The following SNTG1 variants were observed in gnomAD, a reference collection of about 807,000 sequenced individuals.
SNTG1 encodes the protein gamma-1-syntrophin.
A neutral mutation model predicts 74.7 loss-of-function variants in SNTG1; 39 were observed. The ratio of observed to expected loss-of-function variants is 0.52; its 90% CI spans 0.40 to 0.68. The LOEUF (loss-of-function observed/expected upper bound fraction) is 0.68, where lower values mean the gene tolerates loss of function less well. Ranked by LOEUF, SNTG1 falls within the 30% of genes least tolerant of loss-of-function variation. The probability of loss-of-function intolerance (pLI) is 0.00; values close to 1 mark genes in which losing one functional copy is unlikely to be tolerated. For missense variants in SNTG1, 685 were observed against 609.5 expected, an observed-to-expected ratio of 1.12 and a Z score of -1.30; for synonymous variants, 254 against 217.1, an observed-to-expected ratio of 1.17 and a Z score of -1.49.
intron 2 of SNTG1, among the ~76,000 whole-genome samples, chr8:50,335,362 C>G (rs1011024444): frequency 1.3e-5 from 2 of 152,178 alleles, no homozygotes; most frequent in African/African-American, 2.4e-5. Context: ...AAACTGAAAT[C>G]ACACGTCAGC....
At chr8:50,369,348 G>A (rs555823976) in intron 2 of SNTG1, among the ~76,000 whole-genome samples, 1 of 152,304 alleles carries the variant, frequency 6.6e-6, no homozygotes, top group East Asian at 1.9e-4. Context: ...TGTAATCCCA[G>A]CAACTTGGGA....
chr8:50,473,553 G>A (rs2093670308), intron 8 of SNTG1, among the ~76,000 whole-genome samples: 1 of 152,176 alleles, frequency 6.6e-6, no homozygotes, highest in African/African-American at 2.4e-5. Context: ...ATGATCCAGA[G>A]TGTCTCCTCT....
In SNTG1 at chr8:50,623,008, A is replaced by G. The variant is rs953430484; in HGVS notation, c.849+32091A>G. Among the ~76,000 whole-genome samples, 3 of 152,076 alleles carry G rather than the reference A, an allele frequency of 2.0e-5. No homozygotes were observed. In the East Asian group the frequency reaches 5.8e-4, roughly 29 times the overall value. On this transcript the variant is annotated intron_variant, in intron 13 of 18. Transcript: ENST00000642720. Reference sequence around the variant, plus strand: ...ACAGAAATGCGACTGACTTTTATGTATTGATTTTGTATCCTGAAACTTCAC... The same window carrying G: ...ACAGAAATGCGACTGACTTTTATGTGTTGATTTTGTATCCTGAAACTTCAC...
chr8:50,769,115 A>T (rs1043995464), intron 18 of SNTG1, among the ~76,000 whole-genome samples: 1 of 151,612 alleles, frequency 6.6e-6, no homozygotes, highest in African/African-American at 2.4e-5. Flanking sequence ...TCTCCATCAG[A>T]ATAGTGAATT....
At chr8:50,770,041 C>T (rs903843925) in intron 18 of SNTG1, among the ~76,000 whole-genome samples, 1 of 151,922 alleles carries the variant, frequency 6.6e-6, no homozygotes, top group Non-Finnish European at 1.5e-5. Flanking sequence ...TCCTTAGAAA[C>T]CCATAAAATA....
At chr8:50,751,623 CG>C (rs1458285752) in intron 17 of SNTG1, among the ~76,000 whole-genome samples, 2 of 151,842 alleles carry the variant, frequency 1.3e-5, no homozygotes, top group African/African-American at 4.8e-5. Context: ...CTTAATAAAG[CG>C]AAGGTTATTA....
rs536013213 is a variant in SNTG1, at chr8:50,384,552, A to G, written c.-27-9660A>G. ...ACCTGGCTTATCACTCTGGGGAATT[A>G]TGCCATACTGGGCTCAGTGTTGGTC... On this transcript the variant is annotated intron_variant, in intron 2 of 18. Coordinates refer to ENST00000642720, the MANE Select transcript of SNTG1 (RefSeq NM_018967.5). 8.5e-5 allele frequency among the ~76,000 whole-genome samples: 13 copies of G among 152,282 alleles called. No homozygotes were observed. The South Asian group carries it at 1.2e-3, about 15-fold the overall frequency.
chr8:50,359,715 T>C (rs2091909233), intron 2 of SNTG1, among the ~76,000 whole-genome samples: 1 of 152,172 alleles, frequency 6.6e-6, no homozygotes, highest in Non-Finnish European at 1.5e-5. Flanking sequence ...ATCTCAACTC[T>C]TTAAAAATCA....
At chr8:49,979,832 G>A (rs886960707) in intron 1 of SNTG1, among the ~76,000 whole-genome samples, 2 of 152,212 alleles carry the variant, frequency 1.3e-5, no homozygotes, top group African/African-American at 4.8e-5. Context: ...CTGTGCGTGC[G>A]TGTGTGTGCA....
At chr8:50,424,515 A>G (rs968451504) in intron 4 of SNTG1, among the ~76,000 whole-genome samples, 2 of 152,160 alleles carry the variant, frequency 1.3e-5, no homozygotes, top group African/African-American at 2.4e-5. Flanking sequence ...AAAAAGGAAG[A>G]CATGGAGTTA....
At chr8:50,096,197 A>G (rs1051797170) in intron 1 of SNTG1, among the ~76,000 whole-genome samples, 1 of 152,210 alleles carries the variant, frequency 6.6e-6, no homozygotes, top group Non-Finnish European at 1.5e-5. Context: ...GTCAATATCC[A>G]TTCCACACAA....
chr8:50,627,648 C>T (rs1057456311), intron 13 of SNTG1, among the ~76,000 whole-genome samples: 14 of 152,330 alleles, frequency 9.2e-5, no homozygotes, highest in African/African-American at 3.4e-4. Flanking sequence ...ACCCCACCTT[C>T]AGGTTTGATT....
chr8:50,310,640 A>G (rs1474616237), intron 2 of SNTG1, among the ~76,000 whole-genome samples: 1 of 152,206 alleles, frequency 6.6e-6, no homozygotes, highest in East Asian at 1.9e-4. Context: ...ATGAGCCGAG[A>G]CCATGCCATT....
At chr8:50,378,909 A>G (rs2092434545) in intron 2 of SNTG1, among the ~76,000 whole-genome samples, 1 of 152,136 alleles carries the variant, frequency 6.6e-6, no homozygotes, top group Middle Eastern at 3.2e-3. Context: ...AAAAGGCACC[A>G]CAAGCTCCCA....
intron 1 of SNTG1, among the ~76,000 whole-genome samples, chr8:50,030,362 T>C (rs976935488): frequency 1.3e-5 from 2 of 152,074 alleles, no homozygotes; most frequent in Admixed American, 6.6e-5. Context: ...ATCCTATTTG[T>C]CCATTTTTGC....
chr8:50,353,851 G>C (rs2131021277), intron 2 of SNTG1, among the ~76,000 whole-genome samples: 1 of 152,314 alleles, frequency 6.6e-6, no homozygotes, highest in South Asian at 2.1e-4. Context: ...CATCCAGGAA[G>C]GCAAGGGTGA....
At position 49,912,166 on chromosome 8, in the gene SNTG1, G is replaced by C. The variant is rs539091176; in HGVS notation, c.-168G>C. On this transcript the variant is annotated 5_prime_UTR_variant, in exon 1 of 19. Transcript: ENST00000642720. ...TTGGAAATAGCTTTGTGAAAAGAGG[G>C]TGGAGAGCTACTCAAAATTCTACGT... The C allele has an allele frequency of 8.5e-5, 13 of 152,308 alleles. No individual in the cohort carries two copies. The East Asian group carries it at 2.5e-3, about 29-fold the overall frequency. 9.4% of individuals were successfully genotyped at this position (152,308 alleles called of 1,614,324 possible). A position where few individuals can be genotyped will look rare whatever the true frequency, so the allele number is the denominator to read the frequency against.
At chr8:49,941,490 T>C (rs1419539858) in intron 1 of SNTG1, among the ~76,000 whole-genome samples, 2 of 148,114 alleles carry the variant, frequency 1.4e-5, no homozygotes, top group Non-Finnish European at 3.0e-5. Context: ...TTTATATACA[T>C]TATATATTTA....
chr8:50,508,576 C>T, intron 9 of SNTG1, among the ~76,000 whole-genome samples: 1 of 152,204 alleles, frequency 6.6e-6, no homozygotes, highest in Non-Finnish European at 1.5e-5. Context: ...TCCTCTCCAG[C>T]ACCTGTTGTT....
Sources: allele counts gnomAD v4.1 joint callset (sites outside exome capture counted in the v4.1 genomes callset), GRCh38; gene constraint gnomAD v4.1.1; transcripts MANE v1.5; gene names NCBI Gene and HGNC (gene_info 2026-07-23, HGNC 2026-07-21).